The following DCLK2 variants were observed in gnomAD, a reference collection of about 807,000 sequenced individuals.
The protein encoded by DCLK2 is serine/threonine-protein kinase DCLK2.
A neutral mutation model predicts 78.4 loss-of-function variants in DCLK2; 31 were observed. The ratio of observed to expected loss-of-function variants is 0.40; its 90% confidence interval spans 0.30 to 0.53. The LOEUF is 0.53. Among genes scored for constraint, DCLK2 ranks in the 20% least tolerant of loss-of-function variants. The pLI is 0.61. For synonymous variants in DCLK2, 407 were observed against 374.9 expected, an observed-to-expected ratio of 1.09 and a Z score of -0.99; for missense variants, 872 against 973.7, an observed-to-expected ratio of 0.90 and a Z score of 1.39.
intron 5 of DCLK2, among the ~76,000 whole-genome samples, chr4:150,211,204 G>A (rs892612157): frequency 2.0e-5 from 3 of 152,118 alleles, no homozygotes; most frequent in African/African-American, 7.2e-5. Flanking sequence ...TGGCAAGCTG[G>A]TGCTGGCTGT....
chr4:150,172,937 G>A (rs1364302912), intron 2 of DCLK2, among the ~76,000 whole-genome samples: 1 of 152,124 alleles, frequency 6.6e-6, no homozygotes, highest in East Asian at 1.9e-4. Flanking sequence ...CTACATTTGT[G>A]TCTTAGAGAA....
chr4:150,250,438 G>A (rs566750845), intron 15 of DCLK2, among the ~76,000 whole-genome samples: 5 of 152,174 alleles, frequency 3.3e-5, no homozygotes, highest in East Asian at 1.9e-4. Flanking sequence ...AACCCTGGGC[G>A]GGAAGGCCAG....
At chr4:150,228,350 C>G (rs1741773370) in intron 8 of DCLK2, among the ~76,000 whole-genome samples, 1 of 152,222 alleles carries the variant, frequency 6.6e-6, no homozygotes. Context: ...CTCTCTCTCA[C>G]CACTTTCTCC....
chr4:150,233,056 A>C (rs953167818), intron 10 of DCLK2, among the ~76,000 whole-genome samples: 2 of 152,226 alleles, frequency 1.3e-5, no homozygotes, highest in Non-Finnish European at 2.9e-5. Flanking sequence ...GCTATAAAGA[A>C]CTACCTGAGA....
chr4:150,128,310 A>AGGGAAAAGCAAGTGGTTT (rs1446165987), intron 2 of DCLK2, among the ~76,000 whole-genome samples: 1 of 152,130 alleles, frequency 6.6e-6, no homozygotes, highest in Non-Finnish European at 1.5e-5. Flanking sequence ...GGGAGTATTA[A>AGGGAAAAGCAAGTGGTTT]GGGAAAAGCA....
chr4:150,168,139 C>A (rs1410383682), intron 2 of DCLK2, among the ~76,000 whole-genome samples: 3 of 152,042 alleles, frequency 2.0e-5, no homozygotes, highest in Non-Finnish European at 4.4e-5. Context: ...GTCAGGAGAT[C>A]GAGACCATCC....
At chr4:150,171,049 C>G (rs779959538) in intron 2 of DCLK2, among the ~76,000 whole-genome samples, 4 of 152,172 alleles carry the variant, frequency 2.6e-5, no homozygotes, top group Non-Finnish European at 4.4e-5. Flanking sequence ...TAGGTAGCAT[C>G]CCTATAAACT....
chr4:150,222,556 A>G (rs746998040), intron 7 of DCLK2, among the ~76,000 whole-genome samples: 6 of 152,088 alleles, frequency 3.9e-5, no homozygotes, highest in African/African-American at 9.7e-5. Context: ...TAAGATCACA[A>G]TCAGGCCAGG....
chr4:150,098,736 C>T (rs1172361950), intron 1 of DCLK2, among the ~76,000 whole-genome samples: 4 of 147,528 alleles, frequency 2.7e-5, no homozygotes. Context: ...ATTCTTGTCA[C>T]CCAGGCTGGA....
intron 1 of DCLK2, among the ~76,000 whole-genome samples, chr4:150,087,863 T>G (rs1012299762): frequency 6.6e-6 from 1 of 150,990 alleles, no homozygotes; most frequent in African/African-American, 2.4e-5. Flanking sequence ...AGTAATATTT[T>G]TAGATTTTAT....
intron 2 of DCLK2, among the ~76,000 whole-genome samples, chr4:150,125,142 G>A (rs1156283146): frequency 6.6e-6 from 1 of 152,066 alleles, no homozygotes; most frequent in Non-Finnish European, 1.5e-5. Context: ...GTATATGGTT[G>A]TATTCCCACA....
At chr4:150,109,541 G>A (rs1448024178) in intron 2 of DCLK2, among the ~76,000 whole-genome samples, 3 of 151,954 alleles carry the variant, frequency 2.0e-5, no homozygotes, top group Non-Finnish European at 4.4e-5. Flanking sequence ...GTTTCACCAT[G>A]TTGGCCAGGA....
intron 2 of DCLK2, among the ~76,000 whole-genome samples, chr4:150,171,362 T>C (rs543755032): frequency 6.6e-6 from 1 of 152,324 alleles, no homozygotes; most frequent in Admixed American, 6.5e-5. Context: ...AAACCTGTAG[T>C]GCCAGCTACT....
intron 5 of DCLK2, among the ~76,000 whole-genome samples, chr4:150,220,265 T>C (rs1198238684): frequency 6.6e-6 from 1 of 152,174 alleles, no homozygotes; most frequent in African/African-American, 2.4e-5. Context: ...AAAAATTAAA[T>C]TTTGAAAAAT....
chr4:150,190,031 T>A (rs112953873), intron 2 of DCLK2, among the ~76,000 whole-genome samples: 1 of 9,386 alleles, frequency 1.1e-4, no homozygotes, highest in Non-Finnish European at 7.5e-4. Flanking sequence ...GGAGACCCTG[T>A]CTCAAAAAAA....
intron 2 of DCLK2, among the ~76,000 whole-genome samples, chr4:150,180,810 G>A (rs965199880): frequency 1.3e-5 from 2 of 152,060 alleles, no homozygotes; most frequent in Non-Finnish European, 2.9e-5. Flanking sequence ...TTTCCCCAAG[G>A]CCAGCCATAA....
intron 2 of DCLK2, among the ~76,000 whole-genome samples, chr4:150,186,882 C>G (rs1737981730): frequency 1.4e-5 from 2 of 143,238 alleles, no homozygotes; most frequent in African/African-American, 5.3e-5. Flanking sequence ...AACAGAGTGA[C>G]TCTATCTCAA....
At chr4:150,213,202 G>A (rs1332649314) in intron 5 of DCLK2, among the ~76,000 whole-genome samples, 1 of 152,184 alleles carries the variant, frequency 6.6e-6, no homozygotes, top group Non-Finnish European at 1.5e-5. Flanking sequence ...CAGAAGTTGG[G>A]CTCCACACTG....
chr4:150,232,228 T>G (rs1031177857), intron 8 of DCLK2, 109 bp from the exon 9 acceptor site: 1 of 1,367,430 alleles, frequency 7.3e-7, no homozygotes, highest in African/African-American at 1.5e-5. Flanking sequence ...GAGCAATGCT[T>G]TCTTTGGCAT....
Sources: allele counts gnomAD v4.1 joint callset (sites outside exome capture counted in the v4.1 genomes callset), GRCh38; gene constraint gnomAD v4.1.1; transcripts MANE v1.5; gene names NCBI Gene and HGNC (gene_info 2026-07-23, HGNC 2026-07-21).